ADAM2: variants seen among roughly 807,000 people sequenced by gnomAD.
ADAM2 encodes ADAM metallopeptidase domain 2, also known as disintegrin and metalloproteinase domain-containing protein 2.
A neutral mutation model predicts 99.3 loss-of-function variants in ADAM2; 101 were observed. That is an observed-to-expected ratio of 1.02 (90% CI 0.87 to 1.20). The LOEUF (loss-of-function observed/expected upper bound fraction) is 1.20, where lower values mean the gene tolerates loss of function less well. ADAM2 is among the 50% of genes most tolerant of loss of function. The pLI is 0.00. For synonymous variants in ADAM2, 323 were observed against 287.6 expected, an observed-to-expected ratio of 1.12 and a Z score of -1.25; for missense variants, 948 against 878.7, an observed-to-expected ratio of 1.08 and a Z score of -1.00.
chr8:39,806,255 C>T lies in ADAM2; in HGVS notation c.570+3155G>A, dbSNP rs905716183. On this transcript the variant is annotated intron_variant, in intron 7 of 20. Coordinates refer to ENST00000265708, the MANE Select transcript of ADAM2 (RefSeq NM_001464.5). Reference sequence around the variant, plus strand: ...GGAATCCAGGCTCAAAAAATGAAAACGGGAATTGAAAAAAAAAATGCAAAG... The same window carrying T: ...GGAATCCAGGCTCAAAAAATGAAAATGGGAATTGAAAAAAAAAATGCAAAG... Among the ~76,000 whole-genome samples the T allele has an allele frequency of 4.0e-5, 6 of 150,546 alleles. No homozygotes were observed. In the East Asian group the frequency reaches 7.8e-4, roughly 19 times the overall value.
rs188704421 is a variant in ADAM2 at position 39,820,176 on chromosome 8, C to T, written c.513+826G>A. 2.7e-3 allele frequency among the ~76,000 whole-genome samples: 409 copies of T among 152,258 alleles called. 2 individuals carry two copies. The highest frequency in any genetic ancestry group is 9.5e-3 in the African/African-American group (394 of 41,558). On this transcript the variant is annotated intron_variant, in intron 6 of 20. Transcript: ENST00000265708. ...CTAGCAAATATAATGAGATTGGCTGCTCCTAATGTTGCTGGACAAAGTGGA... is the reference window on the plus strand; with the variant it reads ...CTAGCAAATATAATGAGATTGGCTGTTCCTAATGTTGCTGGACAAAGTGGA...
chr8:39,750,159 A>G (rs1823670054), intron 16 of ADAM2, among the ~76,000 whole-genome samples: 1 of 152,148 alleles, frequency 6.6e-6, no homozygotes, highest in Non-Finnish European at 1.5e-5. Flanking sequence ...ATTAGTATAG[A>G]AATAAAAGAC....
chr8:39,769,536 G>A lies in ADAM2; in HGVS notation c.1068C>T (p.Phe356=), dbSNP rs1242415236. The A allele has an allele frequency of 6.2e-7, 1 of 1,613,718 alleles. No individual in the cohort carries two copies. The highest frequency in any genetic ancestry group is 8.5e-7 in the Non-Finnish European group (1 of 1,179,738). The stretch of plus-strand genomic sequence containing the variant: ...TTGAAATAAAATGTGCAAAGTCTTC[G>A]AAGCTGCAGTTACTAAAGATCTTCA... ...SGVKIFSNCS[F]EDFAHFISKQ... The change falls in exon 12 of 21, where the codon TTC becomes TTT. Residue 356 remains phenylalanine (F), a synonymous_variant. Transcript: ENST00000265708.
At chr8:39,752,882 T>C (rs1802001466) in intron 16 of ADAM2, among the ~76,000 whole-genome samples, 1 of 152,138 alleles carries the variant, frequency 6.6e-6, no homozygotes, top group South Asian at 2.1e-4. Context: ...TTGTGAGGCC[T>C]CCCCAGCCAC....
intron 10 of ADAM2, among the ~76,000 whole-genome samples, chr8:39,784,544 T>C (rs1004293206): frequency 1.3e-5 from 2 of 152,122 alleles, no homozygotes; most frequent in African/African-American, 4.8e-5. Context: ...AATATTTATA[T>C]TTTTTTAAAT....
intron 6 of ADAM2, among the ~76,000 whole-genome samples, chr8:39,813,146 G>A (rs1159293623): frequency 6.6e-6 from 1 of 152,178 alleles, no homozygotes; most frequent in African/African-American, 2.4e-5. Flanking sequence ...AGACGTTTAT[G>A]CAGCCAACAG....
At chr8:39,796,719 T>A (rs1803972754) in intron 7 of ADAM2, among the ~76,000 whole-genome samples, 1 of 152,224 alleles carries the variant, frequency 6.6e-6, no homozygotes, top group Non-Finnish European at 1.5e-5. Flanking sequence ...TCCTGACTTT[T>A]TAATAATCGC....
intron 14 of ADAM2, among the ~76,000 whole-genome samples, chr8:39,765,892 CCTAT>C (rs1265920529): frequency 1.3e-5 from 2 of 149,786 alleles, no homozygotes; most frequent in Non-Finnish European, 3.0e-5. Flanking sequence ...AAGGTGACCA[CCTAT>C]CTGTTTCTAT....
At chr8:39,783,888 T>G (rs1366527663) in intron 10 of ADAM2, among the ~76,000 whole-genome samples, 6 of 151,106 alleles carry the variant, frequency 4.0e-5, no homozygotes. Flanking sequence ...GGAGGCGGGG[T>G]GAGTCAAGAT....
rs1039219290 is a variant in ADAM2, at chr8:39,817,870, C to G, written c.513+3132G>C. ...AAATAAATAGATAAAATAGAAAAAC[C>G]TCTATAGACACACAAACTACCTAAA... On this transcript the variant is annotated intron_variant, in intron 6 of 20. Transcript: ENST00000265708. The G allele has an allele frequency of 1.7e-4, 26 of 151,590 alleles. 1 individual carries two copies. The highest frequency in any genetic ancestry group is 6.0e-4 in the African/African-American group (25 of 41,430). 9.4% of individuals were successfully genotyped at this position (151,590 alleles called of 1,614,324 possible). A position where few individuals can be genotyped will look rare whatever the true frequency, so the allele number is the denominator to read the frequency against.
chr8:39,827,502 T>C (rs1293334424), intron 3 of ADAM2, among the ~76,000 whole-genome samples: 2 of 151,974 alleles, frequency 1.3e-5, no homozygotes, highest in Non-Finnish European at 2.9e-5. Flanking sequence ...AATGGACAAA[T>C]GGATAAAGAA....
chr8:39,773,449 G>A (rs1802861983), intron 11 of ADAM2, among the ~76,000 whole-genome samples: 2 of 151,422 alleles, frequency 1.3e-5, no homozygotes, highest in African/African-American at 2.4e-5. Context: ...ATAGGCCATG[G>A]GAAAGAGTCA....
intron 7 of ADAM2, among the ~76,000 whole-genome samples, chr8:39,802,925 A>G (rs928521474): frequency 1.3e-5 from 2 of 152,134 alleles, no homozygotes; most frequent in African/African-American, 4.8e-5. Context: ...AACCTCTATA[A>G]CCAAGAATTA....
At chr8:39,799,243 G>A (rs1586120920) in intron 7 of ADAM2, among the ~76,000 whole-genome samples, 1 of 152,074 alleles carries the variant, frequency 6.6e-6, no homozygotes, top group Admixed American at 6.6e-5. Flanking sequence ...TTGTCTCTTT[G>A]TTCTTACTGG....
rs1211169055 is a variant in ADAM2 at position 39,777,151 on chromosome 8, G to A, written c.902C>T (p.Thr301Ile). Residue 301 changes from threonine (T) to isoleucine (I), a missense_variant, in exon 11 of 21, where the codon ACC becomes ATC. Transcript: ENST00000265708. Reference sequence around the variant, plus strand: ...AACTGCAAGTGATTCCAGACTTATGGTTCTGGGGTGCTGAGAAAAAAAAAT... The same window carrying A: ...AACTGCAAGTGATTCCAGACTTATGATTCTGGGGTGCTGAGAAAAAAAAAT... ...YAGGVVLHPR[T>I]ISLESLAVIL... 6 of 1,604,514 alleles carry A rather than the reference G, an allele frequency of 3.7e-6. No homozygotes were observed. The highest frequency in any genetic ancestry group is 5.1e-6 in the Non-Finnish European group (6 of 1,176,576).
chr8:39,783,394 T>C (rs1803315373), intron 10 of ADAM2, among the ~76,000 whole-genome samples: 2 of 152,174 alleles, frequency 1.3e-5, no homozygotes, highest in Non-Finnish European at 2.9e-5. Flanking sequence ...CTTTTTCCTT[T>C]ATTCTCTCAC....
chr8:39,749,910 T>C (rs1297017974), intron 16 of ADAM2, among the ~76,000 whole-genome samples, 166 bp from the exon 17 acceptor site: 1 of 152,126 alleles, frequency 6.6e-6, no homozygotes, highest in East Asian at 1.9e-4. Flanking sequence ...ATTGAGCTAC[T>C]ATGTTTCCAG....
intron 7 of ADAM2, among the ~76,000 whole-genome samples, chr8:39,792,032 G>A (rs1283390441): frequency 1.3e-5 from 2 of 151,712 alleles, no homozygotes; most frequent in African/African-American, 4.8e-5. Context: ...TCCATTCAGT[G>A]AAGAATACTA....
chr8:39,821,135 A>T lies in ADAM2; in HGVS notation c.380T>A (p.Ile127Lys). The change falls in exon 6 of 21, where the codon ATA becomes AAA. Residue 127 changes from isoleucine (I) to lysine (K), a missense_variant. Ile to Lys is a moderately radical substitution (Grantham distance 102, BLOSUM62 -3). Coordinates refer to ENST00000265708, the MANE Select transcript of ADAM2 (RefSeq NM_001464.5). ...GCCAACTGAAGACTCCAGGGGTTCT[A>T]TTCCATAACTAACATTTTCAAACTG... ...VLQFENVSYG[I>K]EPLESSVGFE... 1 of 1,605,018 alleles carries T rather than the reference A, an allele frequency of 6.2e-7. No individual in the cohort carries two copies. Among genetic ancestry groups the T allele is most frequent in the Non-Finnish European group, 8.5e-7 (1 of 1,176,578 alleles).
Sources: gnomAD v4.1 joint callset for allele counts (sites outside exome capture counted in the v4.1 genomes callset) on GRCh38, gnomAD v4.1.1 for gene constraint, MANE v1.5 for transcripts, NCBI Gene and HGNC (gene_info 2026-07-23, HGNC 2026-07-21) for gene names.